The following ALDH1A2 variants were observed in gnomAD, a reference collection of about 807,000 sequenced individuals.
The protein encoded by ALDH1A2 is aldehyde dehydrogenase 1 family member A2.
In ALDH1A2, 27 loss-of-function variants were observed where a neutral mutation model predicts 60.3. The ratio of observed to expected loss-of-function variants is 0.45; its 90% CI spans 0.33 to 0.62. ALDH1A2 has a LOEUF of 0.62. Among genes scored for constraint, ALDH1A2 ranks in the 20% least tolerant of loss-of-function variants. The pLI, the probability that ALDH1A2 is intolerant of heterozygous loss-of-function variation, is 0.02. For missense variants in ALDH1A2, 581 were observed against 643.8 expected (o/e 0.90, Z 1.06); for synonymous variants, 289 against 232.4 (o/e 1.24, Z -2.21).
chr15:57,978,839 C>A (rs1283052170), intron 7 of ALDH1A2, among the ~76,000 whole-genome samples: 1 of 152,168 alleles, frequency 6.6e-6, no homozygotes, highest in Non-Finnish European at 1.5e-5. Flanking sequence ...GAGTTTGAGA[C>A]CAGCCTGGCT....
intron 1 of ALDH1A2, among the ~76,000 whole-genome samples, chr15:58,027,081 G>A (rs115298647): frequency 0.075 from 11,368 of 152,180 alleles, 432 homozygotes; most frequent in East Asian, 0.12. Flanking sequence ...CCTCAAGTGG[G>A]TCCCTGACAC....
chr15:58,041,539 T>C (rs1239058846), intron 1 of ALDH1A2, among the ~76,000 whole-genome samples: 2 of 151,912 alleles, frequency 1.3e-5, no homozygotes. Flanking sequence ...GCAGATTCAG[T>C]GTCTGGTGAG....
chr15:58,054,320 G>C (rs961255186), intron 1 of ALDH1A2, among the ~76,000 whole-genome samples: 1 of 152,252 alleles, frequency 6.6e-6, no homozygotes, highest in African/African-American at 2.4e-5. Flanking sequence ...GAGAAATCTG[G>C]AGATTGCAAG....
At chr15:57,977,988 GTTGT>G (rs1283511689) in intron 7 of ALDH1A2, among the ~76,000 whole-genome samples, 5 of 151,996 alleles carry the variant, frequency 3.3e-5, no homozygotes, top group African/African-American at 7.2e-5. Flanking sequence ...TCATGACTTG[GTTGT>G]TTGTCTATTA....
intron 1 of ALDH1A2, chr15:58,014,565 C>T (rs531839982): frequency 2.0e-6 from 1 of 491,172 alleles, no homozygotes; most frequent in Non-Finnish European, 4.0e-6. Flanking sequence ...TACATACAAT[C>T]ATACACTGAT....
chr15:57,972,140 T>A (rs971712216), intron 7 of ALDH1A2, among the ~76,000 whole-genome samples: 1 of 121,808 alleles, frequency 8.2e-6, no homozygotes, highest in Non-Finnish European at 2.0e-5. Context: ...TATTTTATAA[T>A]TGGAAAAAAA....
At chr15:57,965,980 G>A (rs112203513) in intron 7 of ALDH1A2, among the ~76,000 whole-genome samples, 153 bp from the exon 8 acceptor site, 13 of 152,286 alleles carry the variant, frequency 8.5e-5, no homozygotes, top group African/African-American at 3.1e-4. Flanking sequence ...GTTACAAGAT[G>A]TAAGTTAGTG....
chr15:57,995,586 G>C (rs978265940), intron 4 of ALDH1A2, among the ~76,000 whole-genome samples: 1 of 151,912 alleles, frequency 6.6e-6, no homozygotes, highest in Non-Finnish European at 1.5e-5. Context: ...TAAAATGCTC[G>C]GCAACTGGAA....
intron 12 of ALDH1A2, among the ~76,000 whole-genome samples, chr15:57,959,485 C>G (rs372370546): frequency 1.1e-4 from 16 of 152,192 alleles, no homozygotes; most frequent in Admixed American, 6.6e-4. Context: ...GGGAAACTTC[C>G]GCCAAAGTTA....
intron 12 of ALDH1A2, among the ~76,000 whole-genome samples, chr15:57,956,836 G>A (rs953583179): frequency 3.3e-5 from 5 of 152,086 alleles, no homozygotes; most frequent in East Asian, 1.9e-4. Context: ...GGCAGGTCGC[G>A]AGCCACACTT....
chr15:57,989,107 C>T (rs1894809400), intron 7 of ALDH1A2, among the ~76,000 whole-genome samples: 1 of 152,226 alleles, frequency 6.6e-6, no homozygotes, highest in Non-Finnish European at 1.5e-5. Context: ...CGAGATCACG[C>T]CATTGCGCTC....
At chr15:57,981,289 A>AACACACACACAC (rs775138747) in intron 7 of ALDH1A2, among the ~76,000 whole-genome samples, 226 of 142,126 alleles carry the variant, frequency 1.6e-3, no homozygotes, top group East Asian at 4.8e-3. Flanking sequence ...TAGAAGAGCA[A>AACACACACACAC]ACACACACAC....
intron 1 of ALDH1A2, among the ~76,000 whole-genome samples, chr15:58,033,140 T>G (rs1896289220): frequency 6.6e-6 from 1 of 152,016 alleles, no homozygotes; most frequent in Non-Finnish European, 1.5e-5. Context: ...AAATGTACTG[T>G]ACTTAAGTGA....
intron 8 of ALDH1A2, 44 bp from the exon 9 acceptor site, chr15:57,964,113 G>A: frequency 1.2e-6 from 2 of 1,610,962 alleles, no homozygotes; most frequent in Middle Eastern, 1.8e-4. Context: ...TGCCTGGGGA[G>A]GGGCCTGTCT....
At position 57,993,199 on chromosome 15, in the gene ALDH1A2, G is replaced by T. The variant is rs1288278421; in HGVS notation, c.556-126C>A. The T allele has an allele frequency of 1.8e-5, 21 of 1,157,998 alleles. 1 individual carries two copies. The East Asian group carries it at 5.4e-4, about 30-fold the overall frequency. 71.7% of individuals were successfully genotyped at this position (1,157,998 alleles called of 1,614,324 possible). A position where few individuals can be genotyped will look rare whatever the true frequency, so the allele number is the denominator to read the frequency against. ...TAAATCTTGTCCACTACAAAGTACA[G>T]ATGTTTGGATTTTCAATTACTTCAT... On this transcript the variant is annotated intron_variant, in intron 5 of 12. Coordinates refer to ENST00000249750, the MANE Select transcript of ALDH1A2 (RefSeq NM_003888.4).
At chr15:57,997,751 A>C (rs1321329967) in intron 4 of ALDH1A2, among the ~76,000 whole-genome samples, 2 of 152,124 alleles carry the variant, frequency 1.3e-5, no homozygotes, top group South Asian at 4.1e-4. Flanking sequence ...GTTTGACTCC[A>C]TAATTGTGTC....
chr15:58,054,650 C>A (rs1438269944), intron 1 of ALDH1A2, among the ~76,000 whole-genome samples: 3 of 152,092 alleles, frequency 2.0e-5, no homozygotes, highest in Non-Finnish European at 4.4e-5. Context: ...CACTGGGGCA[C>A]AGAAAGCATT....
At chr15:58,047,645 T>G (rs1896668167) in intron 1 of ALDH1A2, among the ~76,000 whole-genome samples, 1 of 150,890 alleles carries the variant, frequency 6.6e-6, no homozygotes, top group Non-Finnish European at 1.5e-5. Context: ...TAGCCCCAAC[T>G]TTTTTTACTT....
chr15:58,035,094 C>CT (rs1250770970), intron 1 of ALDH1A2, among the ~76,000 whole-genome samples: 4 of 151,558 alleles, frequency 2.6e-5, no homozygotes, highest in Non-Finnish European at 5.9e-5. Flanking sequence ...TTAGTGCTTT[C>CT]TTTTTTGAAA....
Sources: allele counts gnomAD v4.1 joint callset (sites outside exome capture counted in the v4.1 genomes callset), GRCh38; gene constraint gnomAD v4.1.1; transcripts MANE v1.5; gene names NCBI Gene and HGNC (gene_info 2026-07-23, HGNC 2026-07-21).